The following PHACTR1 variants were observed in gnomAD, a reference collection of about 807,000 sequenced individuals.
PHACTR1 encodes the protein RPEL repeat containing 1.
A neutral mutation model predicts 69.2 loss-of-function variants in PHACTR1; 16 were observed. That is an observed-to-expected ratio of 0.23 (90% confidence interval 0.16 to 0.35). The LOEUF is 0.35. Ranked by LOEUF, PHACTR1 falls within the 10% of genes least tolerant of loss-of-function variation. The pLI is 1.00. For missense variants in PHACTR1, 510 were observed against 734.7 expected (o/e 0.69, Z 3.54); for synonymous variants, 312 against 284.5 (o/e 1.10, Z -0.97).
chr6:12,955,957 A>G (rs1791851671), intron 4 of PHACTR1, among the ~76,000 whole-genome samples: 1 of 152,168 alleles, frequency 6.6e-6, no homozygotes, highest in Non-Finnish European at 1.5e-5. Context: ...AAGTGTTTTG[A>G]AAGTGATTCT....
intron 4 of PHACTR1, among the ~76,000 whole-genome samples, chr6:12,922,521 T>C (rs1160790054): frequency 6.6e-6 from 1 of 152,188 alleles, no homozygotes; most frequent in Non-Finnish European, 1.5e-5. Context: ...AATGAGAGTT[T>C]GAATATGCAT....
intron 6 of PHACTR1, among the ~76,000 whole-genome samples, chr6:13,169,537 G>C (rs942907001): frequency 9.2e-5 from 14 of 152,126 alleles, no homozygotes; most frequent in African/African-American, 3.4e-4. Context: ...CTAGGAGTAA[G>C]AAGGACCCTC....
intron 4 of PHACTR1, among the ~76,000 whole-genome samples, chr6:12,773,850 C>CT (rs1408050346): frequency 6.6e-6 from 1 of 152,108 alleles, no homozygotes; most frequent in African/African-American, 2.4e-5. Flanking sequence ...CTCATCTTTT[C>CT]TTTTTTTCAT....
chr6:12,871,562 G>A (rs984400602), intron 4 of PHACTR1, among the ~76,000 whole-genome samples: 1 of 151,940 alleles, frequency 6.6e-6, no homozygotes, highest in Non-Finnish European at 1.5e-5. Context: ...CATTTGCCAT[G>A]CTTCTCTATA....
chr6:12,906,827 A>T (rs1785786371), intron 4 of PHACTR1, among the ~76,000 whole-genome samples: 1 of 152,070 alleles, frequency 6.6e-6, no homozygotes, highest in Non-Finnish European at 1.5e-5. Context: ...TCACGTGTCC[A>T]CTCTGGATCA....
At chr6:13,256,933 A>T (rs1295095534) in intron 10 of PHACTR1, among the ~76,000 whole-genome samples, 1 of 152,212 alleles carries the variant, frequency 6.6e-6, no homozygotes, top group African/African-American at 2.4e-5. Flanking sequence ...TCACTTCCAC[A>T]TATCCAGGTA....
chr6:13,195,127 T>C (rs1180064676), intron 7 of PHACTR1, among the ~76,000 whole-genome samples: 1 of 152,164 alleles, frequency 6.6e-6, no homozygotes. Context: ...GGGCCTCGTG[T>C]TCTGAAGGAA....
chr6:12,721,355 G>A (rs1762104843), intron 3 of PHACTR1, among the ~76,000 whole-genome samples: 1 of 151,750 alleles, frequency 6.6e-6, no homozygotes, highest in Non-Finnish European at 1.5e-5. Context: ...CTGCACTCTA[G>A]CCTGGGTGAC....
intron 3 of PHACTR1, among the ~76,000 whole-genome samples, chr6:12,725,170 A>G (rs1185859979): frequency 1.3e-5 from 2 of 151,596 alleles, no homozygotes; most frequent in African/African-American, 4.9e-5. Context: ...GCCTCCACCC[A>G]CCTCCACTCT....
intron 5 of PHACTR1, among the ~76,000 whole-genome samples, chr6:13,109,833 CGT>C (rs58370068): frequency 1.9e-3 from 278 of 145,960 alleles, no homozygotes; most frequent in African/African-American, 2.3e-3. Context: ...ATTTTTTCAG[CGT>C]GTGTGTGTGT....
At chr6:13,230,385 C>G in intron 10 of PHACTR1, 192 bp downstream of exon 10, 1 of 1,337,402 alleles carries the variant, frequency 7.5e-7, no homozygotes, top group Non-Finnish European at 9.8e-7. Flanking sequence ...AACCCCATCT[C>G]TACTAAAAAT....
intron 5 of PHACTR1, among the ~76,000 whole-genome samples, chr6:13,094,657 G>A (rs980734141): frequency 6.6e-6 from 1 of 152,140 alleles, no homozygotes; most frequent in Non-Finnish European, 1.5e-5. Flanking sequence ...CCAGGAACGA[G>A]GCTGAAGGCG....
intron 8 of PHACTR1, among the ~76,000 whole-genome samples, chr6:13,207,620 C>T (rs907681966): frequency 2.6e-5 from 4 of 152,008 alleles, no homozygotes; most frequent in Non-Finnish European, 5.9e-5. Context: ...ATTCAAACAC[C>T]GCCACCTACC....
intron 5 of PHACTR1, among the ~76,000 whole-genome samples, chr6:13,060,883 G>A (rs1354059553): frequency 2.0e-5 from 3 of 152,200 alleles, no homozygotes; most frequent in African/African-American, 7.2e-5. Context: ...GGAGGACAAG[G>A]GAGATTGGGT....
chr6:12,984,368 G>A (rs193139201), intron 4 of PHACTR1, among the ~76,000 whole-genome samples: 11 of 152,290 alleles, frequency 7.2e-5, no homozygotes, highest in Non-Finnish European at 1.5e-4. Context: ...AACCATTGGA[G>A]GTAGTTAAGG....
intron 8 of PHACTR1, among the ~76,000 whole-genome samples, chr6:13,221,869 C>G (rs964380490): frequency 6.6e-6 from 1 of 152,116 alleles, no homozygotes; most frequent in South Asian, 2.1e-4. Flanking sequence ...AACCCTGCCT[C>G]TACTAAAAAT....
At chr6:13,047,888 C>T (rs1439454870) in intron 4 of PHACTR1, among the ~76,000 whole-genome samples, 6 of 152,162 alleles carry the variant, frequency 3.9e-5, no homozygotes, top group African/African-American at 1.2e-4. Flanking sequence ...CCCCGAGCCC[C>T]GGCCCAGCTC....
At chr6:12,854,842 T>C (rs1780182794) in intron 4 of PHACTR1, among the ~76,000 whole-genome samples, 1 of 152,126 alleles carries the variant, frequency 6.6e-6, no homozygotes, top group Non-Finnish European at 1.5e-5. Context: ...AATGGGATAG[T>C]ATCTCACACC....
chr6:13,158,168 C>G (rs1026345522), intron 5 of PHACTR1, among the ~76,000 whole-genome samples: 4 of 152,212 alleles, frequency 2.6e-5, no homozygotes, highest in Admixed American at 1.3e-4. Context: ...AGGTGTGAAC[C>G]CCCGCGCCCG....
Sources: allele counts gnomAD v4.1 joint callset (sites outside exome capture counted in the v4.1 genomes callset), GRCh38; gene constraint gnomAD v4.1.1; transcripts MANE v1.5; gene names NCBI Gene and HGNC (gene_info 2026-07-23, HGNC 2026-07-21).